Variants in SOX5 observed in about 807,000 individuals in gnomAD.
SOX5 encodes transcription factor SOX-5.
SOX5 carries 9 observed loss-of-function variants against 92.0 expected under a neutral mutation model. The observed-to-expected ratio is 0.10, with a 90% CI of 0.06 to 0.17. The LOEUF (loss-of-function observed/expected upper bound fraction) is 0.17, where lower values mean the gene tolerates loss of function less well. Among genes scored for constraint, SOX5 ranks in the 10% least tolerant of loss-of-function variants. SOX5 has a pLI of 1.00. For missense variants in SOX5, 642 were observed against 944.5 expected, an observed-to-expected ratio of 0.68 and a Z score of 4.20; for synonymous variants, 344 against 336.3, an observed-to-expected ratio of 1.02 and a Z score of -0.25.
intron 3 of SOX5, among the ~76,000 whole-genome samples, chr12:23,836,081 T>G (rs2096409858): frequency 6.6e-6 from 1 of 151,766 alleles, no homozygotes. Context: ...ATATAGTAAT[T>G]TATATATTTT....
intron 4 of SOX5, among the ~76,000 whole-genome samples, chr12:24,171,835 T>C (rs1239116059): frequency 2.6e-5 from 4 of 151,840 alleles, no homozygotes; most frequent in Non-Finnish European, 5.9e-5. Context: ...CTGTCTCTAT[T>C]TTTAAAAAAA....
intron 4 of SOX5, among the ~76,000 whole-genome samples, chr12:23,987,772 G>A (rs1056319138): frequency 2.0e-5 from 3 of 152,140 alleles, no homozygotes; most frequent in East Asian, 3.9e-4. Flanking sequence ...CAGCCTGGGC[G>A]ACAGAGCTAG....
chr12:23,752,944 T>G (rs2094227187), intron 4 of SOX5, among the ~76,000 whole-genome samples: 1 of 151,796 alleles, frequency 6.6e-6, no homozygotes, highest in South Asian at 2.1e-4. Context: ...CTAATTCACA[T>G]TTCCAAAGTA....
intron 4 of SOX5, among the ~76,000 whole-genome samples, chr12:23,997,786 C>G (rs1951179776): frequency 6.6e-6 from 1 of 151,884 alleles, no homozygotes. Flanking sequence ...TAGAGGAAAC[C>G]CTAGGAAGAC....
At chr12:23,837,998 G>A (rs1276941576) in intron 3 of SOX5, among the ~76,000 whole-genome samples, 6 of 119,190 alleles carry the variant, frequency 5.0e-5, no homozygotes, top group African/African-American at 2.0e-4. Context: ...TTTATATAAT[G>A]TACATTTATA....
At chr12:24,281,212 T>C (rs1945147091) in intron 2 of SOX5, among the ~76,000 whole-genome samples, 1 of 140,436 alleles carries the variant, frequency 7.1e-6, no homozygotes, top group South Asian at 2.3e-4. Flanking sequence ...GCTTAAAATC[T>C]ATACGGTTAT....
intron 7 of SOX5, among the ~76,000 whole-genome samples, chr12:23,664,861 GA>G (rs2083559732): frequency 6.6e-6 from 1 of 152,068 alleles, no homozygotes; most frequent in East Asian, 1.9e-4. Flanking sequence ...CAAATAAAAA[GA>G]AAATATACAG....
chr12:24,310,846 ATTT>A (rs527792235), intron 2 of SOX5, among the ~76,000 whole-genome samples: 219 of 151,338 alleles, frequency 1.4e-3, no homozygotes, highest in African/African-American at 5.1e-3. Flanking sequence ...AGTGTTTTCA[ATTT>A]TTTTGTTTCT....
At chr12:24,025,126 T>C (rs1046137252) in intron 4 of SOX5, among the ~76,000 whole-genome samples, 2 of 151,930 alleles carry the variant, frequency 1.3e-5, no homozygotes, top group African/African-American at 4.8e-5. Flanking sequence ...TTTTAATGTA[T>C]AAAATATAAA....
chr12:24,006,878 A>G (rs1223203560), intron 4 of SOX5, among the ~76,000 whole-genome samples: 1 of 151,946 alleles, frequency 6.6e-6, no homozygotes, highest in Non-Finnish European at 1.5e-5. Flanking sequence ...TCACGCCTAT[A>G]ATCCCAGCAC....
intron 9 of SOX5, among the ~76,000 whole-genome samples, chr12:23,600,552 T>TATATATATATATATACAC (rs745640453): frequency 1.1e-5 from 1 of 95,236 alleles, no homozygotes; most frequent in Non-Finnish European, 2.4e-5. Context: ...TATATATATA[T>TATATATATATATATACAC]ACACATACTT....
At chr12:24,176,380 C>T (rs932559867) in intron 4 of SOX5, among the ~76,000 whole-genome samples, 4 of 151,892 alleles carry the variant, frequency 2.6e-5, no homozygotes, top group South Asian at 4.2e-4. Flanking sequence ...ATAAAAATGT[C>T]GGGGTGGGGG....
At chr12:24,231,764 C>T (rs942194188) in intron 3 of SOX5, among the ~76,000 whole-genome samples, 2 of 152,136 alleles carry the variant, frequency 1.3e-5, no homozygotes, top group Non-Finnish European at 2.9e-5. Context: ...TGTGTGTCTT[C>T]GAAAGCATTA....
chr12:24,170,998 C>T (rs538188941), intron 4 of SOX5, among the ~76,000 whole-genome samples: 2 of 152,234 alleles, frequency 1.3e-5, no homozygotes, highest in African/African-American at 4.8e-5. Context: ...GCTCTTCTTG[C>T]TCTAGTGGGC....
chr12:24,196,952 A>G (rs1957067695), intron 4 of SOX5, among the ~76,000 whole-genome samples: 1 of 152,076 alleles, frequency 6.6e-6, no homozygotes, highest in African/African-American at 2.4e-5. Context: ...CAAAAGAATA[A>G]ATAAGTTCAT....
At position 23,814,904 on chromosome 12, in the gene SOX5, C is replaced by T. The variant is rs371866362; in HGVS notation, c.481+31079G>A. 3.9e-5 allele frequency among the ~76,000 whole-genome samples: 6 copies of T among 152,030 alleles called. No homozygotes were observed. The South Asian group carries it at 1.2e-3, about 32-fold the overall frequency. On this transcript the variant is annotated intron_variant, in intron 3 of 14. Coordinates refer to ENST00000451604, the MANE Select transcript of SOX5 (RefSeq NM_006940.6). ...TAAGTTTTTATGCTGATCAACTTTA[C>T]TCAGGCATATTCTTGAGAAAGCAAG...
At chr12:23,603,001 T>A (rs950752716) in intron 9 of SOX5, among the ~76,000 whole-genome samples, 5 of 152,104 alleles carry the variant, frequency 3.3e-5, no homozygotes, top group African/African-American at 1.2e-4. Flanking sequence ...CTACTGTCAA[T>A]GTAGTGTGTA....
intron 4 of SOX5, among the ~76,000 whole-genome samples, chr12:24,119,473 T>C (rs1380660025): frequency 6.6e-6 from 1 of 152,110 alleles, no homozygotes; most frequent in Non-Finnish European, 1.5e-5. Context: ...AAAATATCTC[T>C]GAACTTGGCA....
intron 1 of SOX5, among the ~76,000 whole-genome samples, chr12:23,933,094 C>T (rs1042047807): frequency 2.0e-5 from 3 of 151,618 alleles, no homozygotes; most frequent in Non-Finnish European, 3.0e-5. Flanking sequence ...GTTTTGCTTT[C>T]TGAAGTTTCA....
Sources: gnomAD v4.1 joint callset for allele counts (sites outside exome capture counted in the v4.1 genomes callset) on GRCh38, gnomAD v4.1.1 for gene constraint, MANE v1.5 for transcripts, NCBI Gene and HGNC (gene_info 2026-07-23, HGNC 2026-07-21) for gene names.